The following FBXW11 variants were observed in gnomAD, a reference collection of about 807,000 sequenced individuals.
The protein encoded by FBXW11 is F-box/WD repeat-containing protein 11.
In FBXW11, 19 loss-of-function variants were observed where a neutral mutation model predicts 77.6. The observed-to-expected ratio is 0.24, with a 90% CI of 0.17 to 0.36. The LOEUF (loss-of-function observed/expected upper bound fraction) is 0.36. Among genes scored for constraint, FBXW11 ranks in the 10% least tolerant of loss-of-function variants. The probability of loss-of-function intolerance (pLI) is 1.00; values close to 1 mark genes in which losing one functional copy is unlikely to be tolerated. For synonymous variants in FBXW11, 235 were observed against 249.4 expected (o/e 0.94, Z 0.54); for missense variants, 334 against 704.2 (o/e 0.47, Z 5.95).
chr5:171,967,873 T>C (rs1172288106), intron 1 of FBXW11, among the ~76,000 whole-genome samples: 8 of 50,494 alleles, frequency 1.6e-4, no homozygotes, highest in Non-Finnish European at 2.4e-4. Context: ...TATATATATA[T>C]ATATATATAT....
intron 7 of FBXW11, among the ~76,000 whole-genome samples, chr5:171,882,896 A>G (rs1466550659): frequency 1.3e-5 from 2 of 152,050 alleles, no homozygotes; most frequent in Non-Finnish European, 2.9e-5. Flanking sequence ...CCCAAGCAGT[A>G]TATACTGCAC....
intron 4 of FBXW11, among the ~76,000 whole-genome samples, chr5:171,901,956 C>T (rs528812859): frequency 3.3e-5 from 5 of 152,150 alleles, no homozygotes; most frequent in Non-Finnish European, 5.9e-5. Flanking sequence ...TTGGCAAACA[C>T]GTTAAACGGG....
chr5:171,893,609 T>C lies in FBXW11; in HGVS notation c.715-2005A>G, dbSNP rs932988466. Among the ~76,000 whole-genome samples the C allele has an allele frequency of 6.0e-4, 91 of 152,042 alleles. 1 individual carries two copies. The highest frequency in any genetic ancestry group is 1.6e-4 in the Non-Finnish European group (11 of 68,014). On this transcript the variant is annotated intron_variant, in intron 6 of 13. Transcript: ENST00000517395. ...GTATTTTTAGATAGTGACTGTGCCA[T>C]CTCAGCATGCTAAGCACTCCAGGAA... is the stretch of plus-strand genomic sequence containing the variant.
intron 2 of FBXW11, among the ~76,000 whole-genome samples, chr5:171,926,683 C>T (rs1761908670): frequency 6.6e-6 from 1 of 152,188 alleles, no homozygotes; most frequent in African/African-American, 2.4e-5. Context: ...CCTGCAGAAC[C>T]ATGAGCCAAT....
intron 2 of FBXW11, among the ~76,000 whole-genome samples, chr5:171,930,754 T>TAAAAAAAA (rs1300857997): frequency 7.5e-4 from 24 of 32,208 alleles, no homozygotes; most frequent in Middle Eastern, 0.023. Context: ...AAATAAAAAA[T>TAAAAAAAA]AAAAAAATAA....
intron 2 of FBXW11, among the ~76,000 whole-genome samples, chr5:171,945,153 A>T (rs1762942320): frequency 6.6e-6 from 1 of 152,244 alleles, no homozygotes; most frequent in Non-Finnish European, 1.5e-5. Flanking sequence ...GGAAAAAAAT[A>T]AAGCAACATA....
At chr5:171,962,724 CA>C (rs747824486) in intron 1 of FBXW11, among the ~76,000 whole-genome samples, 2 of 152,108 alleles carry the variant, frequency 1.3e-5, no homozygotes, top group Non-Finnish European at 2.9e-5. Flanking sequence ...AACCACAAAT[CA>C]AAAGGAAAAA....
chr5:171,917,886 A>G (rs1031062231), intron 2 of FBXW11, among the ~76,000 whole-genome samples: 1 of 152,096 alleles, frequency 6.6e-6, no homozygotes, highest in Non-Finnish European at 1.5e-5. Flanking sequence ...AAAAGGTTCT[A>G]TAATATACTA....
At chr5:171,888,113 C>A (rs1433435903) in intron 7 of FBXW11, among the ~76,000 whole-genome samples, 1 of 152,168 alleles carries the variant, frequency 6.6e-6, no homozygotes, top group Admixed American at 6.5e-5. Context: ...GGTTTCTTTT[C>A]TCTCTTCTCT....
At chr5:171,944,655 A>C (rs1581236656) in intron 2 of FBXW11, among the ~76,000 whole-genome samples, 1 of 151,682 alleles carries the variant, frequency 6.6e-6, no homozygotes, top group South Asian at 2.1e-4. Flanking sequence ...GTGGTTTCTC[A>C]TTTTTCTTTC....
At position 171,957,716 on chromosome 5, in the gene FBXW11, G is replaced by A. The variant is rs953751533; in HGVS notation, c.46-18C>T. ...ACAGAACACTGCAGGATGACAAAAA[G>A]GAAGGAAGAGAAGAAGCAGTTAGAG... On this transcript the variant is annotated intron_variant, in intron 1 of 13. Coordinates refer to ENST00000517395, the MANE Select transcript of FBXW11 (RefSeq NM_001378974.1). 3.1e-6 allele frequency: 5 copies of A among 1,609,018 alleles called. No individual in the cohort carries two copies. The African/African-American group carries it at 5.3e-5, about 17-fold the overall frequency.
At chr5:171,992,253 C>A (rs1765779651) in intron 1 of FBXW11, among the ~76,000 whole-genome samples, 1 of 151,478 alleles carries the variant, frequency 6.6e-6, no homozygotes, top group Admixed American at 6.6e-5. Flanking sequence ...CATAGTGAAA[C>A]CCCGTCTCTA....
rs769741342 is a variant in FBXW11, at chr5:171,968,992, G to A, written c.46-11294C>T. On this transcript the variant is annotated intron_variant, in intron 1 of 13. Transcript: ENST00000517395. ...AACATTAGAACACACGGAAGGGGCCGGGCGTGGTGGCTCATGCCTGTAATC... is the reference window on the plus strand; with the variant it reads ...AACATTAGAACACACGGAAGGGGCCAGGCGTGGTGGCTCATGCCTGTAATC... Among the ~76,000 whole-genome samples, 10 of 152,054 alleles carry A rather than the reference G, an allele frequency of 6.6e-5. No individual in the cohort carries two copies. The East Asian group carries it at 7.7e-4, about 12-fold the overall frequency.
At chr5:171,953,263 T>G (rs60807420) in intron 2 of FBXW11, among the ~76,000 whole-genome samples, 1,763 of 152,260 alleles carry the variant, frequency 0.012, 25 homozygotes, top group African/African-American at 0.04. Flanking sequence ...CACAAAGCAC[T>G]GGAATTATAG....
At chr5:171,925,235 C>T (rs986336740) in intron 2 of FBXW11, among the ~76,000 whole-genome samples, 10 of 152,238 alleles carry the variant, frequency 6.6e-5, no homozygotes, top group Non-Finnish European at 1.5e-4. Flanking sequence ...CATTGAAAAC[C>T]CCTGAAAAAC....
intron 1 of FBXW11, among the ~76,000 whole-genome samples, chr5:171,967,216 T>A (rs949694061): frequency 6.6e-6 from 1 of 152,220 alleles, no homozygotes; most frequent in Admixed American, 6.5e-5. Flanking sequence ...CTCAGCAATT[T>A]CACATGTAAG....
chr5:171,876,588 A>G lies in FBXW11; in HGVS notation c.972-54T>C, dbSNP rs1446162219. The G allele has an allele frequency of 6.3e-7, 1 of 1,593,260 alleles. No individual in the cohort carries two copies. The highest frequency in any genetic ancestry group is 1.7e-4 in the Middle Eastern group (1 of 6,016). On this transcript the variant is annotated intron_variant, in intron 8 of 13. Transcript: ENST00000517395. This position sits in a 1 kb window ranked among gnomAD's most constrained non-coding sequence, Gnocchi z 4.2. ...TAATTATGGAGACAGCCAGGAAATG[A>G]TTCTGGTATCTGAGCTCTGTCTGGG...
intron 3 of FBXW11, among the ~76,000 whole-genome samples, chr5:171,912,907 CAAA>C (rs538848079): frequency 2.6e-5 from 3 of 114,510 alleles, no homozygotes; most frequent in Non-Finnish European, 3.7e-5. Context: ...AAGACTGCGT[CAAA>C]AAAAAAAAAA....
chr5:171,943,921 G>T (rs1408889348), intron 2 of FBXW11, among the ~76,000 whole-genome samples: 3 of 152,146 alleles, frequency 2.0e-5, no homozygotes, highest in Non-Finnish European at 4.4e-5. Flanking sequence ...CCTAGTGAAG[G>T]CATAATGAGA....
Sources: allele counts gnomAD v4.1 joint callset (sites outside exome capture counted in the v4.1 genomes callset), GRCh38; gene constraint gnomAD v4.1.1; non-coding constraint Gnocchi (gnomAD v3.1); transcripts MANE v1.5; gene names NCBI Gene and HGNC (gene_info 2026-07-23, HGNC 2026-07-21).